OTUD3: variants seen among roughly 807,000 people sequenced by gnomAD.
The protein encoded by OTUD3 is OTU domain-containing protein 3.
In OTUD3, 24 loss-of-function variants were observed where a neutral mutation model predicts 46.2. The observed-to-expected ratio is 0.52, with a 90% CI of 0.38 to 0.73. The LOEUF (loss-of-function observed/expected upper bound fraction) is 0.73. Ranked by LOEUF, OTUD3 falls within the 30% of genes least tolerant of loss-of-function variation. OTUD3 has a pLI of 0.00. For missense variants in OTUD3, 455 were observed against 523.3 expected, an observed-to-expected ratio of 0.87 and a Z score of 1.27; for synonymous variants, 189 against 195.4, an observed-to-expected ratio of 0.97 and a Z score of 0.27.
chr1:19,890,663 T>C, intron 2 of OTUD3, 130 bp downstream of exon 2: 1 of 871,962 alleles, frequency 1.1e-6, no homozygotes, highest in Non-Finnish European at 1.8e-6. Flanking sequence ...TCAAGAAATA[T>C]TTGTTTGCCT....
chr1:19,905,885 A>G (rs1375876372), intron 6 of OTUD3, among the ~76,000 whole-genome samples: 1 of 152,236 alleles, frequency 6.6e-6, no homozygotes, highest in Non-Finnish European at 1.5e-5. Context: ...GTATTTTATT[A>G]TCCACTATGT....
At chr1:19,906,638 G>A in intron 7 of OTUD3, 22 bp downstream of exon 7, 1 of 1,581,912 alleles carries the variant, frequency 6.3e-7, no homozygotes, top group East Asian at 2.3e-5. Context: ...GGGGTTGAAT[G>A]GGCAGGTGGT....
intron 1 of OTUD3, among the ~76,000 whole-genome samples, chr1:19,887,225 C>A (rs2045376614): frequency 6.6e-6 from 1 of 152,058 alleles, no homozygotes; most frequent in African/African-American, 2.4e-5. Context: ...GCTGGGATTA[C>A]AGGCATGCGC....
Position 19,907,926 on chromosome 1 carries a change from A to T in OTUD3, c.*180A>T. Reference sequence around the variant, plus strand: ...TTTTTTGTTCGAAGTTTTATTAGTGATATGTTGGTGTTTTATGAAAATGCA... The same window carrying T: ...TTTTTTGTTCGAAGTTTTATTAGTGTTATGTTGGTGTTTTATGAAAATGCA... On this transcript the variant is annotated 3_prime_UTR_variant, in exon 8 of 8. Coordinates refer to ENST00000375120, the MANE Select transcript of OTUD3 (RefSeq NM_015207.2). 1.9e-6 allele frequency: 1 copy of T among 520,492 alleles called. No individual in the cohort carries two copies. Among genetic ancestry groups the T allele is most frequent in the Non-Finnish European group, 3.4e-6 (1 of 297,230 alleles). 32.2% of individuals were successfully genotyped at this position (520,492 alleles called of 1,614,324 possible).
intron 1 of OTUD3, among the ~76,000 whole-genome samples, chr1:19,885,345 T>C (rs2045342683): frequency 6.6e-6 from 1 of 152,200 alleles, no homozygotes; most frequent in South Asian, 2.1e-4. Context: ...AGCTGGACTG[T>C]GGTTCAGCCC....
At position 19,908,687 on chromosome 1, in the gene OTUD3, C is replaced by T. The variant is rs538996279; in HGVS notation, c.*941C>T. ...TTTTTCATGTTCGCATTTTAAATAA[C>T]GATTTTCTTCCCTTCTGTTGTAGAC... On this transcript the variant is annotated 3_prime_UTR_variant, in exon 8 of 8. Transcript: ENST00000375120. The T allele has an allele frequency of 1.0e-4, 16 of 152,474 alleles. No individual in the cohort carries two copies. Among genetic ancestry groups the T allele is most frequent in the South Asian group, 6.2e-4 (3 of 4,826 alleles). The allele number at this position is 152,474 out of a possible 1,614,324, so 9.4% of individuals were successfully genotyped here.
chr1:19,887,036 A>C (rs1354467897), intron 1 of OTUD3, among the ~76,000 whole-genome samples: 1 of 152,042 alleles, frequency 6.6e-6, no homozygotes, highest in Non-Finnish European at 1.5e-5. Flanking sequence ...TTGACATACA[A>C]TTCAATATAA....
chr1:19,897,499 G>A (rs1456582234), intron 3 of OTUD3, 41 bp from the exon 4 acceptor site: 3 of 1,610,090 alleles, frequency 1.9e-6, no homozygotes, highest in Admixed American at 1.7e-5. Context: ...AGTTGATAGT[G>A]TTCAGATCCT....
chr1:19,889,463 CAT>C (rs1313939161), intron 1 of OTUD3, among the ~76,000 whole-genome samples: 2 of 152,106 alleles, frequency 1.3e-5, no homozygotes, highest in Non-Finnish European at 2.9e-5. Flanking sequence ...ATTACAGTAT[CAT>C]AGTTTTTCAT....
rs2100338036 is a variant in OTUD3 at position 19,910,713 on chromosome 1, C to CAA, written c.*2967_*2968insAA. The CAA allele has an allele frequency of 6.6e-6, 1 of 152,352 alleles. No homozygotes were observed. Among genetic ancestry groups the CAA allele is most frequent in the African/African-American group, 2.4e-5 (1 of 41,530 alleles). The allele number at this position is 152,352 out of a possible 1,614,324, so 9.4% of individuals were successfully genotyped here. On this transcript the variant is annotated 3_prime_UTR_variant, in exon 8 of 8. Transcript: ENST00000375120. ...TGAGGGCTTGGGAAGTGGGATCTCC[C>CAA]TTGTGGAGCAGCTGGAGCTGGCTGG...
chr1:19,896,880 G>A (rs1198030452), intron 3 of OTUD3, among the ~76,000 whole-genome samples: 2 of 152,160 alleles, frequency 1.3e-5, no homozygotes, highest in African/African-American at 4.8e-5. Flanking sequence ...CTTGTGGGTG[G>A]CGCCTGCAGG....
intron 3 of OTUD3, among the ~76,000 whole-genome samples, chr1:19,895,882 A>G (rs1323827116): frequency 2.0e-5 from 3 of 152,200 alleles, no homozygotes; most frequent in African/African-American, 7.2e-5. Context: ...ACTCACTACC[A>G]ACTCAGTAAT....
At chr1:19,899,286 T>C (rs1159020450) in intron 4 of OTUD3, among the ~76,000 whole-genome samples, 3 of 152,090 alleles carry the variant, frequency 2.0e-5, no homozygotes, top group Admixed American at 6.6e-5. Context: ...ACCAAGCAAA[T>C]ATATATATAG....
Position 19,890,483 on chromosome 1 carries a change from G to C in OTUD3, c.320G>C (p.Arg107Pro). 1 of 1,613,878 alleles carries C rather than the reference G, an allele frequency of 6.2e-7. No homozygotes were observed. Among genetic ancestry groups the C allele is most frequent in the Non-Finnish European group, 8.5e-7 (1 of 1,179,790 alleles). The change falls in exon 2 of 8, where the codon CGG becomes CCG. Residue 107 changes from arginine to proline, a missense_variant. Arg to Pro is a moderately radical substitution (Grantham distance 103). Coordinates refer to ENST00000375120, the MANE Select transcript of OTUD3 (RefSeq NM_015207.2). ...ACAGTGGACTACATGATAAAGCAGC[G>C]GGAAGATTTTGAACCCTTTGTAGAA... is the stretch of plus-strand genomic sequence containing the variant. ...QETVDYMIKQ[R>P]EDFEPFVEDD...
At chr1:19,904,538 T>C (rs2100315510) in intron 5 of OTUD3, 140 bp downstream of exon 5, 1 of 729,938 alleles carries the variant, frequency 1.4e-6, no homozygotes, top group Non-Finnish European at 2.3e-6. Flanking sequence ...GTTTGATTAG[T>C]GTATGTGGCT....
rs2045664286 is a variant in OTUD3, at chr1:19,906,592, A to G, written c.996A>G (p.Lys332=). The G allele has an allele frequency of 3.7e-6, 6 of 1,612,270 alleles. No homozygotes were observed. The East Asian group carries it at 1.1e-4, about 30-fold the overall frequency. Residue 332 remains lysine, a synonymous_variant, in exon 7 of 8, where the codon AAA becomes AAG. Transcript: ENST00000375120. ...KAQASPSEEN[K]ANKNQLAKVT... is the part of the protein sequence containing the mutation. ...AGGCCAGCCCTAGTGAAGAAAACAA[A>G]GCAAATAAAAACCAGCTCGCAAAGG...
intron 1 of OTUD3, among the ~76,000 whole-genome samples, chr1:19,883,253 T>G (rs1026622995): frequency 6.6e-6 from 1 of 152,246 alleles, no homozygotes; most frequent in African/African-American, 2.4e-5. Context: ...GCAGCTTCTC[T>G]AATTCTTCCT....
Position 19,882,601 on chromosome 1 carries a change from C to T in OTUD3, c.88C>T (p.Arg30Cys). 1 of 1,432,740 alleles carries T rather than the reference C, an allele frequency of 7.0e-7. No homozygotes were observed. The highest frequency in any genetic ancestry group is 9.1e-7 in the Non-Finnish European group (1 of 1,096,418). The allele number at this position is 1,432,740 out of a possible 1,614,324, so 88.8% of individuals were successfully genotyped here. Residue 30 changes from arginine to cysteine, a missense_variant, in exon 1 of 8, where the codon CGC becomes TGC. Coordinates refer to ENST00000375120, the MANE Select transcript of OTUD3 (RefSeq NM_015207.2). ...GCGCAAGCGGGACGAGCGGGCGGCG[C>T]GCCGGGCCCTGGCCAAGGAGCGGCG... is the stretch of plus-strand genomic sequence containing the variant. ...AERKRDERAA[R>C]RALAKERRNR...
intron 1 of OTUD3, among the ~76,000 whole-genome samples, chr1:19,886,607 G>GT (rs1487938759): frequency 2.0e-5 from 3 of 152,046 alleles, no homozygotes; most frequent in Non-Finnish European, 2.9e-5. Context: ...GGTTATTGAT[G>GT]TTTTTTAAAA....
Sources: gnomAD v4.1 joint callset for allele counts (sites outside exome capture counted in the v4.1 genomes callset) on GRCh38, gnomAD v4.1.1 for gene constraint, MANE v1.5 for transcripts, NCBI Gene and HGNC (gene_info 2026-07-23, HGNC 2026-07-21) for gene names.